CSNK1G1: variants seen among roughly 807,000 people sequenced by gnomAD.
CSNK1G1 encodes the protein casein kinase 1 gamma 1, also known as casein kinase I isoform gamma-1.
Under a neutral mutation model 59.6 loss-of-function variants are expected in CSNK1G1, and 22 were observed. That is an observed-to-expected ratio of 0.37 (90% CI 0.26 to 0.53). CSNK1G1 has a LOEUF of 0.53. Among genes scored for constraint, CSNK1G1 ranks in the 20% least tolerant of loss-of-function variants. The pLI, the probability that CSNK1G1 is intolerant of heterozygous loss-of-function variation, is 0.89. For synonymous variants in CSNK1G1, 179 were observed against 177.1 expected (o/e 1.01, Z -0.08); for missense variants, 384 against 519.5 (o/e 0.74, Z 2.54).
chr15:64,306,503 T>C (rs140613556), intron 1 of CSNK1G1, among the ~76,000 whole-genome samples: 1,892 of 152,284 alleles, frequency 0.012, 29 homozygotes, highest in African/African-American at 0.044. Context: ...AAGGAAGATA[T>C]GGAGCAATAG....
At chr15:64,310,959 C>T (rs1462021449) in intron 1 of CSNK1G1, among the ~76,000 whole-genome samples, 5 of 144,814 alleles carry the variant, frequency 3.5e-5, no homozygotes, top group African/African-American at 1.0e-4. Context: ...GAGCAGAGAT[C>T]GCACCACTGC....
intron 2 of CSNK1G1, among the ~76,000 whole-genome samples, chr15:64,278,689 G>A (rs1348163676): frequency 1.3e-5 from 2 of 152,082 alleles, no homozygotes; most frequent in East Asian, 3.9e-4. Flanking sequence ...GGCCTCCCAA[G>A]TGCTGGGATT....
chr15:64,353,273 A>G (rs1898417939), intron 1 of CSNK1G1, among the ~76,000 whole-genome samples: 1 of 152,180 alleles, frequency 6.6e-6, no homozygotes, highest in African/African-American at 2.4e-5. Flanking sequence ...CACCTCAAAA[A>G]GCAAACTACG....
chr15:64,192,069 G>A (rs572129018), intron 10 of CSNK1G1, among the ~76,000 whole-genome samples: 2 of 152,330 alleles, frequency 1.3e-5, no homozygotes, highest in South Asian at 4.1e-4. Flanking sequence ...AGGCAATACT[G>A]TGTACACAGG....
At chr15:64,346,422 T>TTTCATTTA (rs1897977406) in intron 1 of CSNK1G1, among the ~76,000 whole-genome samples, 2 of 137,456 alleles carry the variant, frequency 1.5e-5, no homozygotes, top group East Asian at 4.1e-4. Flanking sequence ...GGAAACGAGT[T>TTTCATTTA]TTTATTTATT....
At chr15:64,327,312 C>G (rs940140060) in intron 1 of CSNK1G1, among the ~76,000 whole-genome samples, 7 of 148,542 alleles carry the variant, frequency 4.7e-5, no homozygotes, top group African/African-American at 1.7e-4. Context: ...TCTCCCAGCA[C>G]GCAGCTGGAG....
At chr15:64,260,706 C>G (rs1892645177) in intron 2 of CSNK1G1, among the ~76,000 whole-genome samples, 1 of 152,084 alleles carries the variant, frequency 6.6e-6, no homozygotes, top group Non-Finnish European at 1.5e-5. Flanking sequence ...CCACTGTACT[C>G]CAGCCTGGGC....
At chr15:64,194,430 A>C (rs570906691) in intron 10 of CSNK1G1, 1 of 151,974 alleles carries the variant, frequency 6.6e-6, no homozygotes, top group African/African-American at 2.4e-5. Flanking sequence ...CTTTAGAAAA[A>C]TTATGCTCAT....
chr15:64,201,271 C>CAAAAAAAAAAA (rs545719275), intron 10 of CSNK1G1, among the ~76,000 whole-genome samples: 1 of 64,990 alleles, frequency 1.5e-5, no homozygotes, highest in African/African-American at 4.9e-5. Context: ...GACACTGTCT[C>CAAAAAAAAAAA]AAAAAAAAAA....
Position 64,201,701 on chromosome 15 carries a change from T to A in CSNK1G1, c.1107+1381A>T, listed in dbSNP as rs1270867484. ...AAATATATTTGTGGGTGTACTCCAT[T>A]GGACATGTGTGTGTGTGTGTGTGTG... On this transcript the variant is annotated intron_variant, in intron 10 of 11. Coordinates refer to ENST00000303052, the MANE Select transcript of CSNK1G1 (RefSeq NM_022048.5). 3.5e-5 allele frequency among the ~76,000 whole-genome samples: 5 copies of A among 141,200 alleles called. No individual in the cohort carries two copies. In the South Asian group the frequency reaches 9.3e-4, roughly 26 times the overall value. The allele number at this position is 141,200 out of a possible 152,430, so 92.6% of individuals were successfully genotyped here.
At chr15:64,351,798 G>C (rs1898303651) in intron 1 of CSNK1G1, among the ~76,000 whole-genome samples, 1 of 152,168 alleles carries the variant, frequency 6.6e-6, no homozygotes, top group Admixed American at 6.6e-5. Context: ...AGGGGCGCTT[G>C]AACCTGAGGG....
intron 1 of CSNK1G1, chr15:64,348,355 A>G (rs934280214): frequency 1.3e-4 from 20 of 152,254 alleles, no homozygotes; most frequent in African/African-American, 4.8e-4. Context: ...CATTAATTGT[A>G]ACACATGTAC....
At chr15:64,324,847 A>G (rs1354007709) in intron 1 of CSNK1G1, among the ~76,000 whole-genome samples, 2 of 152,240 alleles carry the variant, frequency 1.3e-5, no homozygotes, top group African/African-American at 4.8e-5. Context: ...GTCACTGCTG[A>G]CTGTGCAACA....
chr15:64,260,575 T>A (rs2140331909), intron 2 of CSNK1G1, among the ~76,000 whole-genome samples: 1 of 152,100 alleles, frequency 6.6e-6, no homozygotes, highest in Non-Finnish European at 1.5e-5. Flanking sequence ...CTGTCTCTAC[T>A]AAAAATACAA....
chr15:64,354,247 C>G (rs1314083861), intron 1 of CSNK1G1, among the ~76,000 whole-genome samples: 1 of 151,924 alleles, frequency 6.6e-6, no homozygotes, highest in Non-Finnish European at 1.5e-5. Context: ...AGAGGTTGCA[C>G]TGAGCCGAGA....
At chr15:64,338,714 A>T (rs1242115787) in intron 1 of CSNK1G1, among the ~76,000 whole-genome samples, 1 of 136,980 alleles carries the variant, frequency 7.3e-6, no homozygotes, top group Non-Finnish European at 1.6e-5. Flanking sequence ...AAAAAAAAAA[A>T]AAAAAAAAAA....
At chr15:64,184,702 A>G (rs905894481) in intron 10 of CSNK1G1, among the ~76,000 whole-genome samples, 3 of 151,826 alleles carry the variant, frequency 2.0e-5, no homozygotes, top group African/African-American at 7.2e-5. Flanking sequence ...AAAGATTTGC[A>G]TACTTCAAAT....
intron 11 of CSNK1G1, among the ~76,000 whole-genome samples, chr15:64,173,061 C>T (rs1339386102): frequency 6.6e-6 from 1 of 152,192 alleles, no homozygotes; most frequent in African/African-American, 2.4e-5. Context: ...AAGTTGGAAG[C>T]ATAGCTCAGA....
intron 4 of CSNK1G1, among the ~76,000 whole-genome samples, chr15:64,229,062 G>A (rs1460325538): frequency 6.6e-6 from 1 of 151,142 alleles, no homozygotes; most frequent in East Asian, 1.9e-4. Context: ...ACTACAGAGT[G>A]GATATTTTTT....
Sources: gnomAD v4.1 joint callset for allele counts (sites outside exome capture counted in the v4.1 genomes callset) on GRCh38, gnomAD v4.1.1 for gene constraint, MANE v1.5 for transcripts, NCBI Gene and HGNC (gene_info 2026-07-23, HGNC 2026-07-21) for gene names.